Variants in ESPL1 observed in about 807,000 individuals in gnomAD.
The protein encoded by ESPL1 is extra spindle pole bodies like 1, separase.
In ESPL1, 50 loss-of-function variants were observed where a neutral mutation model predicts 217.2. The observed-to-expected ratio is 0.23, with a 90% CI of 0.18 to 0.29. The LOEUF (loss-of-function observed/expected upper bound fraction) is 0.29, where lower values mean the gene tolerates loss of function less well. Ranked by LOEUF, ESPL1 falls within the 10% of genes least tolerant of loss-of-function variation. The pLI, the probability that ESPL1 is intolerant of heterozygous loss-of-function variation, is 1.00. For missense variants in ESPL1, 1,834 were observed against 2,603.0 expected (o/e 0.70, Z 6.43); for synonymous variants, 994 against 1,081.3 (o/e 0.92, Z 1.58).
At position 53,290,945 on chromosome 12, in the gene ESPL1, G is replaced by T. The variant is rs1479835657; in HGVS notation, c.5469G>T (p.Gln1823His). Residue 1823 changes from glutamine (Q) to histidine (H), a missense_variant, in exon 25 of 31, where the codon CAG becomes CAT. Gln to His is a conservative substitution (Grantham distance 24, BLOSUM62 0). Coordinates refer to ENST00000257934, the MANE Select transcript of ESPL1 (RefSeq NM_012291.5). ...CTGCCCAGGAGGCCTCCCGCCTACAGGAGCTGCTACAGGACTGTGGCTGGA... is the reference window on the plus strand; with the variant it reads ...CTGCCCAGGAGGCCTCCCGCCTACATGAGCTGCTACAGGACTGTGGCTGGA... ...PGPAQEASRLQELLQDCGWKY... is the reference protein window; with the variant it reads ...PGPAQEASRLHELLQDCGWKY... 2 of 1,606,190 alleles carry T rather than the reference G, an allele frequency of 1.2e-6. No individual in the cohort carries two copies. Among genetic ancestry groups the T allele is most frequent in the Admixed American group, 1.7e-5 (1 of 58,736 alleles).
In ESPL1 at chr12:53,290,414, G is replaced by A. The variant is rs778246944; in HGVS notation, c.5309G>A (p.Cys1770Tyr). ...IQKAQKENSS[C>Y]TDKREWWTGR... is the part of the protein sequence containing the mutation. ...AAGGCACAGAAAGAGAACAGCAGCT[G>A]TACTGACAAGCGAGAATGGTGGACA... The change falls in exon 24 of 31, where the codon TGT becomes TAT. Residue 1770 changes from cysteine (C) to tyrosine (Y), a missense_variant. This residue lies in a region of ESPL1 where 295 missense variants were observed against 519.8 expected (regional missense o/e 0.57). Transcript: ENST00000257934. The A allele has an allele frequency of 1.9e-6, 3 of 1,613,452 alleles. No individual in the cohort carries two copies. The highest frequency in any genetic ancestry group is 1.1e-5 in the South Asian group (1 of 90,902).
intron 1 of ESPL1, 170 bp downstream of exon 1, chr12:53,268,547 T>G: frequency 3.8e-6 from 2 of 531,844 alleles, no homozygotes; most frequent in South Asian, 2.3e-5. Context: ...GCGCGGCGAG[T>G]GGTGTGGTAG....
chr12:53,281,423 G>A lies in ESPL1; in HGVS notation c.2500-84G>A. ...CAAAGTGCTGGGATTACAGGTGTGA[G>A]CCACATGGCCACCCTTATTTACTCC... On this transcript the variant is annotated intron_variant, in intron 12 of 30. Transcript: ENST00000257934. The A allele has an allele frequency of 2.1e-6, 3 of 1,426,836 alleles. 1 individual carries two copies. The highest frequency in any genetic ancestry group is 2.5e-5 in the South Asian group (2 of 79,496). The allele number at this position is 1,426,836 out of a possible 1,614,324, so 88.4% of individuals were successfully genotyped here. A position where few individuals can be genotyped will look rare whatever the true frequency, so the allele number is the denominator to read the frequency against.
intron 11 of ESPL1, among the ~76,000 whole-genome samples, chr12:53,279,425 C>T (rs890750543): frequency 7.2e-5 from 11 of 152,220 alleles, no homozygotes; most frequent in African/African-American, 2.7e-4. Context: ...CCATGTGAGT[C>T]TTAGCTTCCT....
intron 17 of ESPL1, among the ~76,000 whole-genome samples, chr12:53,284,495 A>T (rs918323222): frequency 1.3e-5 from 2 of 151,136 alleles, no homozygotes. Flanking sequence ...ACCTCAGGTG[A>T]TCCACCCGCC....
rs1943872500 is a variant in ESPL1, at chr12:53,282,165, C to T, written c.2620-99C>T. 2.1e-6 allele frequency: 2 copies of T among 934,710 alleles called. No individual in the cohort carries two copies. Among genetic ancestry groups the T allele is most frequent in the Non-Finnish European group, 3.4e-6 (2 of 589,148 alleles). 57.9% of individuals were successfully genotyped at this position (934,710 alleles called of 1,614,324 possible). On this transcript the variant is annotated intron_variant, in intron 13 of 30. Coordinates refer to ENST00000257934, the MANE Select transcript of ESPL1 (RefSeq NM_012291.5). The surrounding 1 kb of genome is among the most constrained non-coding windows in gnomAD (Gnocchi z 4.0). ...AAAATTCTAAAATCTTTCTAATACC[C>T]AGGGCCTTCAGGGATGGGGCCACGT...
intron 10 of ESPL1, 96 bp from the exon 11 acceptor site, chr12:53,277,725 A>G (rs1289362562): frequency 3.2e-6 from 5 of 1,570,186 alleles, no homozygotes. Context: ...AAGCAGTGGG[A>G]GGTTGGCGTA....
rs1342660666 is a variant in ESPL1 at position 53,288,478 on chromosome 12, A to G, written c.4547-60A>G. 35 of 1,507,684 alleles carry G rather than the reference A, an allele frequency of 2.3e-5. 1 individual carries two copies. The highest frequency in any genetic ancestry group is 1.9e-5 in the Non-Finnish European group (21 of 1,128,070). The allele number at this position is 1,507,684 out of a possible 1,614,324, so 93.4% of individuals were successfully genotyped here. ...CTCTAAGGGAGTGGATTACAGAAGG[A>G]AGAACAAAGAGAATGGCAGGGGGAG... On this transcript the variant is annotated intron_variant, in intron 19 of 30. Coordinates refer to ENST00000257934, the MANE Select transcript of ESPL1 (RefSeq NM_012291.5).
At position 53,279,728 on chromosome 12, in the gene ESPL1, C is replaced by G; in HGVS notation, c.2365-4C>G. The G allele has an allele frequency of 6.2e-7, 1 of 1,614,026 alleles. No homozygotes were observed. Among genetic ancestry groups the G allele is most frequent in the Non-Finnish European group, 8.5e-7 (1 of 1,179,990 alleles). ...GAGTAAACTTGGCTGCTTCTGCTGA[C>G]CAGCCCATGCAGGCTCTGGAGGTCC... On this transcript the variant is annotated splice_region_variant and splice_polypyrimidine_tract_variant and intron_variant, in intron 11 of 30. Coordinates refer to ENST00000257934, the MANE Select transcript of ESPL1 (RefSeq NM_012291.5).
chr12:53,290,282 G>T, intron 23 of ESPL1, 65 bp from the exon 24 acceptor site: 1 of 1,610,782 alleles, frequency 6.2e-7, no homozygotes, highest in Admixed American at 1.7e-5. Context: ...CACATTCTGT[G>T]TTGAGGGAGG....
rs748955214 is a variant in ESPL1 at position 53,277,492 on chromosome 12, C to G, written c.2108C>G (p.Ala703Gly). Residue 703 changes from alanine to glycine, a missense_variant, in exon 10 of 31, where the codon GCC becomes GGC. Around this residue, in one of 5 missense-constraint regions of ESPL1, gnomAD observed 746 missense variants for 1,077.0 expected, o/e 0.69. Coordinates refer to ENST00000257934, the MANE Select transcript of ESPL1 (RefSeq NM_012291.5). ...MQEGIERDRR[A>G]QAPGNLEEFE... ...CAGGGTATCGAGCGGGATCGGAGAG[C>G]CCAGGCCCCTGGTAACTTGGAGGAA... 2 of 1,613,988 alleles carry G rather than the reference C, an allele frequency of 1.2e-6. No homozygotes were observed. The highest frequency in any genetic ancestry group is 2.7e-5 in the African/African-American group (2 of 74,914).
rs188489819 is a variant in ESPL1 at position 53,292,716 on chromosome 12, G to A, written c.5996+59G>A. 1.7e-4 allele frequency: 275 copies of A among 1,598,846 alleles called. No homozygotes were observed. In the African/African-American group the frequency reaches 3.3e-3, roughly 19 times the overall value. On this transcript the variant is annotated intron_variant, in intron 29 of 30. Coordinates refer to ENST00000257934, the MANE Select transcript of ESPL1 (RefSeq NM_012291.5). This position sits in a 1 kb window ranked among gnomAD's most constrained non-coding sequence, Gnocchi z 4.5. ...GCAGTCCTGAGGATGGTATCACCAT[G>A]GGTTGCTTTGGGACTTGAGAGCCTC...
At chr12:53,277,770 T>C in intron 10 of ESPL1, 51 bp from the exon 11 acceptor site, 1 of 1,601,796 alleles carries the variant, frequency 6.2e-7, no homozygotes, top group Non-Finnish European at 8.5e-7. Flanking sequence ...AGGGAAGTTC[T>C]CTCCAGATGG....
rs1944079536 is a variant in ESPL1 at position 53,292,448 on chromosome 12, G to A, written c.5912+55G>A. The A allele has an allele frequency of 1.4e-6, 2 of 1,434,404 alleles. No individual in the cohort carries two copies. The highest frequency in any genetic ancestry group is 1.4e-5 in the African/African-American group (1 of 71,514). The allele number at this position is 1,434,404 out of a possible 1,614,324, so 88.9% of individuals were successfully genotyped here. ...GGGGAAGGGTAGACAACATACAGGGGCAACAAGCCTTTTCTCCAGAAACAG... is the reference window on the plus strand; with the variant it reads ...GGGGAAGGGTAGACAACATACAGGGACAACAAGCCTTTTCTCCAGAAACAG... On this transcript the variant is annotated intron_variant, in intron 28 of 30. Transcript: ENST00000257934. This position sits in a 1 kb window ranked among gnomAD's most constrained non-coding sequence, Gnocchi z 4.5.
intron 25 of ESPL1, among the ~76,000 whole-genome samples, chr12:53,291,339 T>C (rs1944056296): frequency 6.7e-6 from 1 of 148,366 alleles, no homozygotes; most frequent in Admixed American, 6.7e-5. Context: ...ACGCCTATAA[T>C]CCCAGCACTT....
chr12:53,286,693 G>T lies in ESPL1; in HGVS notation c.3957G>T (p.Gly1319=), dbSNP rs779333749. 3 of 1,614,128 alleles carry T rather than the reference G, an allele frequency of 1.9e-6. No homozygotes were observed. The highest frequency in any genetic ancestry group is 1.1e-5 in the South Asian group (1 of 91,088). Residue 1319 remains glycine, a synonymous_variant, in exon 18 of 31, where the codon GGG becomes GGT. Coordinates refer to ENST00000257934, the MANE Select transcript of ESPL1 (RefSeq NM_012291.5). The surrounding 1 kb of genome is among the most constrained non-coding windows in gnomAD (Gnocchi z 5.3). ...KTQGQKRSGR[G]RQKLASAPLR... ...AGGGCCAAAAACGTTCTGGACGAGGGCGCCAAAAGTTAGCCTCTGCTCCCC... is the reference window on the plus strand; with the variant it reads ...AGGGCCAAAAACGTTCTGGACGAGGTCGCCAAAAGTTAGCCTCTGCTCCCC...
chr12:53,280,916 C>T (rs1041595205), intron 12 of ESPL1, among the ~76,000 whole-genome samples: 5 of 151,250 alleles, frequency 3.3e-5, no homozygotes, highest in South Asian at 2.1e-4. Context: ...CACTTGATCC[C>T]GGGAGGCGGA....
In ESPL1 at chr12:53,293,193, C is replaced by CA. The variant is rs1944092369; in HGVS notation, c.6162-79dup. 5 of 1,251,272 alleles carry CA rather than the reference C, an allele frequency of 4.0e-6. No individual in the cohort carries two copies. In the African/African-American group the frequency reaches 7.4e-5, roughly 19 times the overall value. The allele number at this position is 1,251,272 out of a possible 1,614,324, so 77.5% of individuals were successfully genotyped here. ...ATTGGTTCAATCCTCTCCACTCACC[C>CA]ACCCCCACCACCAATGGTGTTTTCC... On this transcript the variant is annotated intron_variant, in intron 30 of 30. Coordinates refer to ENST00000257934, the MANE Select transcript of ESPL1 (RefSeq NM_012291.5). The surrounding 1 kb of genome is among the most constrained non-coding windows in gnomAD (Gnocchi z 4.2).
chr12:53,283,633 T>C, intron 16 of ESPL1, 95 bp downstream of exon 16: 3 of 1,224,746 alleles, frequency 2.4e-6, no homozygotes, highest in Non-Finnish European at 3.5e-6. Context: ...TTACATGCTA[T>C]GTTTAGATAC....
Sources: gnomAD v4.1 joint callset for allele counts (sites outside exome capture counted in the v4.1 genomes callset) on GRCh38, gnomAD v4.1.1 for gene constraint, gnomAD v4.1.1 regional missense constraint, Gnocchi (gnomAD v3.1) non-coding constraint, MANE v1.5 for transcripts, NCBI Gene and HGNC (gene_info 2026-07-23, HGNC 2026-07-21) for gene names.